The following KIF5C variants were observed in gnomAD, a reference collection of about 807,000 sequenced individuals.
KIF5C encodes kinesin family member 5C, also known as kinesin heavy chain isoform 5C.
In KIF5C, 18 loss-of-function variants were observed where a neutral mutation model predicts 125.2. The ratio of observed to expected loss-of-function variants is 0.14; its 90% CI spans 0.10 to 0.21. KIF5C has a LOEUF of 0.21. Among genes scored for constraint, KIF5C ranks in the 10% least tolerant of loss-of-function variants. KIF5C has a pLI of 1.00. For synonymous variants in KIF5C, 405 were observed against 434.0 expected (o/e 0.93, Z 0.83); for missense variants, 780 against 1,183.8 (o/e 0.66, Z 5.01).
At chr2:148,988,036 C>A (rs940563013) in intron 15 of KIF5C, among the ~76,000 whole-genome samples, 1 of 152,038 alleles carries the variant, frequency 6.6e-6, no homozygotes. Context: ...GATTTCATGA[C>A]GGTGTGGTCT....
At chr2:148,881,534 A>G (rs1681354623) in intron 1 of KIF5C, among the ~76,000 whole-genome samples, 1 of 151,222 alleles carries the variant, frequency 6.6e-6, no homozygotes, top group Non-Finnish European at 1.5e-5. Context: ...TGAAATCACG[A>G]CTCCATAAAT....
At chr2:148,955,936 A>C (rs971062239) in intron 10 of KIF5C, among the ~76,000 whole-genome samples, 4 of 152,258 alleles carry the variant, frequency 2.6e-5, no homozygotes, top group Non-Finnish European at 1.5e-5. Flanking sequence ...GTATGAAGGT[A>C]CCAAGAACAA....
chr2:148,988,340 G>A (rs922598497), intron 15 of KIF5C, among the ~76,000 whole-genome samples: 2 of 152,124 alleles, frequency 1.3e-5, no homozygotes, highest in African/African-American at 2.4e-5. Flanking sequence ...ACAGGAACTG[G>A]CTTCAGAAGT....
At chr2:149,013,314 A>G (rs1162130654) in intron 25 of KIF5C, among the ~76,000 whole-genome samples, 1 of 152,216 alleles carries the variant, frequency 6.6e-6, no homozygotes, top group Non-Finnish European at 1.5e-5. Context: ...CATCATGCCT[A>G]CATTCCAACT....
intron 1 of KIF5C, among the ~76,000 whole-genome samples, chr2:148,918,926 G>A (rs927255279): frequency 1.3e-5 from 2 of 152,184 alleles, no homozygotes; most frequent in Non-Finnish European, 2.9e-5. Flanking sequence ...GACTAAGTTT[G>A]CATGGTATAG....
Position 149,026,749 on chromosome 2 carries a change from A to G in KIF5C, c.*3679A>G, listed in dbSNP as rs970600074. The G allele has an allele frequency of 6.6e-6, 1 of 152,662 alleles. No individual in the cohort carries two copies. The highest frequency in any genetic ancestry group is 2.4e-5 in the African/African-American group (1 of 41,454). 9.5% of individuals were successfully genotyped at this position (152,662 alleles called of 1,614,324 possible). ...TACTAAAAGTGGAAAATAAAATTGA[A>G]TTAAACTTTGGCTGGTCTGTTTCTC... On this transcript the variant is annotated 3_prime_UTR_variant, in exon 26 of 26. Coordinates refer to ENST00000435030, the MANE Select transcript of KIF5C (RefSeq NM_004522.3).
intron 1 of KIF5C, among the ~76,000 whole-genome samples, chr2:148,890,079 A>G (rs995356332): frequency 3.3e-5 from 5 of 152,300 alleles, no homozygotes; most frequent in South Asian, 4.2e-4. Flanking sequence ...TGCCTTAACT[A>G]TCATGTTGAG....
chr2:149,002,619 C>T (rs1681883948), intron 21 of KIF5C, among the ~76,000 whole-genome samples: 1 of 152,202 alleles, frequency 6.6e-6, no homozygotes, highest in Non-Finnish European at 1.5e-5. Flanking sequence ...CACCCTCACT[C>T]CCCTTGCTTG....
At chr2:148,955,916 G>A (rs902182691) in intron 10 of KIF5C, among the ~76,000 whole-genome samples, 2 of 152,220 alleles carry the variant, frequency 1.3e-5, no homozygotes, top group African/African-American at 4.8e-5. Flanking sequence ...GAAGGATGCT[G>A]AAATAAAAGG....
In KIF5C at chr2:148,977,445, G is replaced by T. The variant is rs536830958; in HGVS notation, c.1294-1477G>T. ...TTCTTTGAATCCTTTATGCTAAGTT[G>T]TCTAATATTTAAGTGCTCAGGAACA... On this transcript the variant is annotated intron_variant, in intron 12 of 25. Transcript: ENST00000435030. Among the ~76,000 whole-genome samples, 3 of 152,324 alleles carry T rather than the reference G, an allele frequency of 2.0e-5. No homozygotes were observed. In the South Asian group the frequency reaches 6.2e-4, roughly 32 times the overall value.
intron 1 of KIF5C, chr2:148,878,807 C>G (rs1261954704): frequency 6.6e-6 from 1 of 152,166 alleles, no homozygotes; most frequent in African/African-American, 2.4e-5. Context: ...CAAAGAAGCC[C>G]AGATCATCCA....
At chr2:148,957,603 A>C (rs12463571) in intron 10 of KIF5C, among the ~76,000 whole-genome samples, 3,265 of 142,904 alleles carry the variant, frequency 0.023, 52 homozygotes, top group South Asian at 0.088. Context: ...AAAAAAAAAA[A>C]AAAAAAAAAA....
At chr2:148,978,873 C>T in intron 12 of KIF5C, 49 bp from the exon 13 acceptor site, 1 of 1,540,754 alleles carries the variant, frequency 6.5e-7, no homozygotes, top group Non-Finnish European at 8.8e-7. Context: ...ACTGGGATAT[C>T]AAAAATGACA....
intron 25 of KIF5C, among the ~76,000 whole-genome samples, chr2:149,021,296 C>T (rs1225088946): frequency 2.0e-5 from 3 of 152,100 alleles, no homozygotes; most frequent in South Asian, 4.1e-4. Context: ...CTCCTGACCT[C>T]GAGTGATCCA....
intron 22 of KIF5C, among the ~76,000 whole-genome samples, chr2:149,007,094 T>A (rs1394944639): frequency 6.6e-6 from 1 of 152,120 alleles, no homozygotes; most frequent in Non-Finnish European, 1.5e-5. Flanking sequence ...CCACCCCAGG[T>A]CCACTGAATC....
chr2:148,961,076 C>G (rs528094144), intron 10 of KIF5C, among the ~76,000 whole-genome samples: 1 of 152,190 alleles, frequency 6.6e-6, no homozygotes, highest in Non-Finnish European at 1.5e-5. Flanking sequence ...GCATCTCAAC[C>G]CCCCAGGCCA....
chr2:148,991,648 G>A (rs181076806), intron 16 of KIF5C, among the ~76,000 whole-genome samples: 1 of 152,176 alleles, frequency 6.6e-6, no homozygotes, highest in African/African-American at 2.4e-5. Context: ...TACTTCACAT[G>A]CATTTTCTCA....
At chr2:148,984,738 A>G (rs1484191364) in intron 15 of KIF5C, among the ~76,000 whole-genome samples, 2 of 152,182 alleles carry the variant, frequency 1.3e-5, no homozygotes, top group South Asian at 2.1e-4. Flanking sequence ...TAGACCAATC[A>G]TGATGAATCC....
At chr2:148,883,230 A>G (rs1008333930) in intron 1 of KIF5C, among the ~76,000 whole-genome samples, 4 of 152,214 alleles carry the variant, frequency 2.6e-5, no homozygotes, top group African/African-American at 4.8e-5. Context: ...GGCCAGGCGC[A>G]GTGGCTCACA....
Sources: gnomAD v4.1 joint callset for allele counts (sites outside exome capture counted in the v4.1 genomes callset) on GRCh38, gnomAD v4.1.1 for gene constraint, MANE v1.5 for transcripts, NCBI Gene and HGNC (gene_info 2026-07-23, HGNC 2026-07-21) for gene names.